XRCC4: variants seen among roughly 807,000 people sequenced by gnomAD.
XRCC4 encodes the protein DNA repair protein XRCC4.
Under a neutral mutation model 39.1 loss-of-function variants are expected in XRCC4, and 28 were observed. The observed-to-expected ratio is 0.72, with a 90% CI of 0.53 to 0.98. The LOEUF (loss-of-function observed/expected upper bound fraction) is 0.98, where lower values mean the gene tolerates loss of function less well. Among genes scored for constraint, XRCC4 ranks in the 50% least tolerant of loss-of-function variants. The pLI is 0.00. For missense variants in XRCC4, 350 were observed against 376.4 expected (o/e 0.93, Z 0.58); for synonymous variants, 123 against 126.4 (o/e 0.97, Z 0.18).
the XRCC4 span, among the ~76,000 whole-genome samples, chr5:83,369,340 C>G: frequency 6.6e-6 from 1 of 152,060 alleles, no homozygotes; most frequent in Admixed American, 6.6e-5. Flanking sequence ...TATGACTGAG[C>G]CTGTCACCCT....
chr5:83,163,462 C>T (rs1749316462), intron 3 of XRCC4, among the ~76,000 whole-genome samples: 1 of 152,106 alleles, frequency 6.6e-6, no homozygotes, highest in African/African-American at 2.4e-5. Context: ...TTAATGAAAC[C>T]ATTTTATTGG....
intron 3 of XRCC4, among the ~76,000 whole-genome samples, chr5:83,173,396 A>G (rs944319144): frequency 3.3e-5 from 5 of 152,180 alleles, no homozygotes; most frequent in African/African-American, 4.8e-5. Context: ...CTCATACTAT[A>G]TAAGTTACTT....
intron 7 of XRCC4, among the ~76,000 whole-genome samples, chr5:83,272,449 C>T (rs1001579599): frequency 5.3e-5 from 8 of 152,004 alleles, no homozygotes; most frequent in South Asian, 2.1e-4. Flanking sequence ...GGTACATGTG[C>T]GGAACATGCA....
chr5:83,222,963 G>C (rs528220791), intron 6 of XRCC4, among the ~76,000 whole-genome samples: 2 of 152,060 alleles, frequency 1.3e-5, no homozygotes, highest in African/African-American at 4.8e-5. Context: ...GCTTAGGCTG[G>C]TCTTGAGTTC....
intron 3 of XRCC4, among the ~76,000 whole-genome samples, chr5:83,160,339 T>G (rs2061783): frequency 1.3e-5 from 2 of 152,154 alleles, no homozygotes. Flanking sequence ...TCTGATCCAA[T>G]ATATTGATCA....
At chr5:83,217,376 AAC>A in intron 6 of XRCC4, among the ~76,000 whole-genome samples, 1 of 151,374 alleles carries the variant, frequency 6.6e-6, no homozygotes, top group East Asian at 1.9e-4. Flanking sequence ...AAAAAAAAAA[AAC>A]CATTGCGATA....
chr5:83,364,383 T>C, the XRCC4 span, among the ~76,000 whole-genome samples: 1 of 152,150 alleles, frequency 6.6e-6, no homozygotes, highest in South Asian at 2.1e-4. Context: ...AATGAGGAGA[T>C]ACTTTTTCCA....
intron 3 of XRCC4, among the ~76,000 whole-genome samples, chr5:83,135,753 T>G (rs1747867528): frequency 6.6e-6 from 1 of 152,186 alleles, no homozygotes; most frequent in African/African-American, 2.4e-5. Flanking sequence ...ATTTTTATCT[T>G]TCTAAGTCTT....
intron 3 of XRCC4, among the ~76,000 whole-genome samples, chr5:83,140,176 A>G (rs557403695): frequency 6.6e-6 from 1 of 152,332 alleles, no homozygotes; most frequent in East Asian, 1.9e-4. Flanking sequence ...TATGATCACA[A>G]GGTGAAGTCC....
intron 6 of XRCC4, among the ~76,000 whole-genome samples, chr5:83,241,699 T>C (rs1197430137): frequency 1.3e-5 from 2 of 152,184 alleles, no homozygotes; most frequent in Non-Finnish European, 2.9e-5. Context: ...TGTCCAAATC[T>C]TTACTAATAG....
At chr5:83,218,890 T>C (rs1284161408) in intron 6 of XRCC4, among the ~76,000 whole-genome samples, 1 of 152,160 alleles carries the variant, frequency 6.6e-6, no homozygotes, top group African/African-American at 2.4e-5. Context: ...ATATATCTAT[T>C]TGTATATCTA....
At chr5:83,266,369 GAAATA>G (rs931324624) in intron 7 of XRCC4, among the ~76,000 whole-genome samples, 12 of 150,150 alleles carry the variant, frequency 8.0e-5, no homozygotes, top group African/African-American at 1.5e-4. Context: ...TAAAAATTAT[GAAATA>G]AAATAAAATA....
chr5:83,170,082 A>G (rs1203072966), intron 3 of XRCC4, among the ~76,000 whole-genome samples: 1 of 152,154 alleles, frequency 6.6e-6, no homozygotes, highest in Admixed American at 6.6e-5. Flanking sequence ...TATAGCAGTT[A>G]TGATTGCTAG....
At chr5:83,260,271 A>G (rs765880189) in intron 7 of XRCC4, among the ~76,000 whole-genome samples, 1 of 152,146 alleles carries the variant, frequency 6.6e-6, no homozygotes, top group Non-Finnish European at 1.5e-5. Flanking sequence ...ACTATGGGAA[A>G]GAATAAAATT....
chr5:83,110,484 A>G (rs145468078), intron 2 of XRCC4, among the ~76,000 whole-genome samples: 2 of 152,144 alleles, frequency 1.3e-5, no homozygotes, highest in African/African-American at 4.8e-5. Context: ...TGTGTTGCAG[A>G]GGAGATGCTC....
intron 1 of XRCC4, among the ~76,000 whole-genome samples, chr5:83,089,284 G>T (rs6896953): frequency 0.49 from 74,179 of 152,106 alleles, 18,879 homozygotes; most frequent in African/African-American, 0.62. Context: ...CAGCCACTAG[G>T]TGAGCTTTCT....
intron 3 of XRCC4, among the ~76,000 whole-genome samples, chr5:83,117,445 ACT>A (rs1746779991): frequency 6.6e-6 from 1 of 151,878 alleles, no homozygotes; most frequent in South Asian, 2.1e-4. Flanking sequence ...TTCATATCTC[ACT>A]CTGTTTCTTT....
chr5:83,090,824 G>C (rs1036933596), intron 1 of XRCC4, among the ~76,000 whole-genome samples: 1 of 152,108 alleles, frequency 6.6e-6, no homozygotes, highest in East Asian at 1.9e-4. Flanking sequence ...AGGGGACAAA[G>C]TTCAAACATA....
chr5:83,128,945 A>G (rs1747415207), intron 3 of XRCC4, among the ~76,000 whole-genome samples: 1 of 152,056 alleles, frequency 6.6e-6, no homozygotes, highest in African/African-American at 2.4e-5. Context: ...CTCTGACGAT[A>G]GTTTCTTTTG....
Sources: allele counts gnomAD v4.1 joint callset (sites outside exome capture counted in the v4.1 genomes callset), GRCh38; gene constraint gnomAD v4.1.1; transcripts MANE v1.5; gene names NCBI Gene and HGNC (gene_info 2026-07-23, HGNC 2026-07-21).